The following TARS3 variants were observed in gnomAD, a reference collection of about 807,000 sequenced individuals.
TARS3 encodes the protein threonine--tRNA ligase 2, cytoplasmic.
Under a neutral mutation model 103.5 loss-of-function variants are expected in TARS3, and 94 were observed. That is an observed-to-expected ratio of 0.91 (90% CI 0.77 to 1.08). The LOEUF (loss-of-function observed/expected upper bound fraction) is 1.08. Among genes scored for constraint, TARS3 ranks in the 50% least tolerant of loss-of-function variants. The probability of loss-of-function intolerance (pLI) is 0.00; values close to 1 mark genes in which losing one functional copy is unlikely to be tolerated. For missense variants in TARS3, 952 were observed against 995.2 expected (o/e 0.96, Z 0.58); for synonymous variants, 416 against 355.4 (o/e 1.17, Z -1.92).
At chr15:101,714,723 A>T in intron 4 of TARS3, 117 bp downstream of exon 4, 5 of 867,600 alleles carry the variant, frequency 5.8e-6, no homozygotes, top group Non-Finnish European at 8.1e-6. Context: ...ATCAAATTTT[A>T]AATCTTAGAA....
intron 7 of TARS3, among the ~76,000 whole-genome samples, chr15:101,704,350 A>C (rs1041424933): frequency 1.3e-5 from 2 of 152,264 alleles, no homozygotes; most frequent in East Asian, 1.9e-4. Context: ...TCAATACTCT[A>C]ATCTTTACAT....
intron 10 of TARS3, chr15:101,699,574 C>T (rs988136724): frequency 5.8e-5 from 23 of 399,654 alleles, no homozygotes; most frequent in Non-Finnish European, 1.0e-4. Flanking sequence ...TCCAAATCAG[C>T]AGCTGTGATG....
At chr15:101,722,954 G>C (rs1047579829) in intron 2 of TARS3, 139 bp downstream of exon 2, 5 of 765,480 alleles carry the variant, frequency 6.5e-6, no homozygotes, top group East Asian at 2.7e-5. Context: ...TTTAAGGCTT[G>C]AAAAGTTTTA....
At chr15:101,695,107 A>T (rs1898905908) in intron 10 of TARS3, among the ~76,000 whole-genome samples, 1 of 152,238 alleles carries the variant, frequency 6.6e-6, no homozygotes, top group Non-Finnish European at 1.5e-5. Context: ...TTTACCACAA[A>T]ATGGCTTGAG....
In TARS3 at chr15:101,724,103, C is replaced by G; in HGVS notation, c.285G>C (p.Glu95Asp). ...ACCGCCCGGTTACCTGTGCGCCGGC[C>G]TCCTGCGCCGCCTCTAGCTCCGCGC... ...LESAELEAAQ[E>D]AGAQPPPSQS... The change falls in exon 1 of 19, where the codon GAG becomes GAC. Residue 95 changes from glutamate to aspartate, a missense_variant. Glu to Asp is a conservative substitution (Grantham distance 45, BLOSUM62 2). Around this residue, in one of 2 missense-constraint regions of TARS3, gnomAD observed 412 missense variants for 364.2 expected, o/e 1.13. Transcript: ENST00000335968. 1 of 1,377,278 alleles carries G rather than the reference C, an allele frequency of 7.3e-7. No individual in the cohort carries two copies. Among genetic ancestry groups the G allele is most frequent in the Non-Finnish European group, 9.4e-7 (1 of 1,066,356 alleles). 85.3% of individuals were successfully genotyped at this position (1,377,278 alleles called of 1,614,324 possible).
intron 13 of TARS3, among the ~76,000 whole-genome samples, chr15:101,672,533 C>T (rs1160148142): frequency 1.3e-5 from 2 of 152,046 alleles, no homozygotes; most frequent in African/African-American, 2.4e-5. Flanking sequence ...GGGAGTGACG[C>T]GCCTCATGGG....
At chr15:101,673,991 C>T (rs1260812691) in intron 13 of TARS3, among the ~76,000 whole-genome samples, 1 of 152,130 alleles carries the variant, frequency 6.6e-6, no homozygotes, top group Non-Finnish European at 1.5e-5. Flanking sequence ...TTCAGTTACC[C>T]GCAGTCGACT....
chr15:101,669,445 C>T (rs1055463361), intron 15 of TARS3, among the ~76,000 whole-genome samples: 1 of 152,114 alleles, frequency 6.6e-6, no homozygotes, highest in Non-Finnish European at 1.5e-5. Context: ...TTTAGTGTAG[C>T]CTAAATGTAC....
chr15:101,724,272 G>A lies in TARS3; in HGVS notation c.116C>T (p.Ala39Val), dbSNP rs1221021086. 3 of 1,571,308 alleles carry A rather than the reference G, an allele frequency of 1.9e-6. No homozygotes were observed. Among genetic ancestry groups the A allele is most frequent in the South Asian group, 1.2e-5 (1 of 85,968 alleles). ...CCCCTCCGCCTGGCAGCTGTAGGGCGCGTTCAGCTGCTCGTCCCTCAGGCG... is the reference window on the plus strand; with the variant it reads ...CCCCTCCGCCTGGCAGCTGTAGGGCACGTTCAGCTGCTCGTCCCTCAGGCG... ...VERLRDEQLN[A>V]PYSCQAEGPC... Residue 39 changes from alanine to valine, a missense_variant, in exon 1 of 19, where the codon GCG becomes GTG. Ala to Val is a moderately conservative substitution (Grantham distance 64). Around this residue, in one of 2 missense-constraint regions of TARS3, gnomAD observed 412 missense variants for 364.2 expected, o/e 1.13. Coordinates refer to ENST00000335968, the MANE Select transcript of TARS3 (RefSeq NM_152334.3).
intron 2 of TARS3, among the ~76,000 whole-genome samples, chr15:101,722,412 T>C (rs1900520785): frequency 1.3e-5 from 2 of 151,752 alleles, no homozygotes; most frequent in African/African-American, 4.8e-5. Flanking sequence ...GGCCTAGGTA[T>C]TCCTTCTTCA....
At position 101,657,001 on chromosome 15, in the gene TARS3, A is replaced by C. The variant is rs1467281122; in HGVS notation, c.2181T>G (p.Ala727=). 6.2e-7 allele frequency: 1 copy of C among 1,613,954 alleles called. No homozygotes were observed. Among genetic ancestry groups the C allele is most frequent in the South Asian group, 1.1e-5 (1 of 91,066 alleles). ...SSEFFEEGFM[A]DVDLDHSCTL... is the part of the protein sequence containing the mutation. ...TACAACTGTGATCCAAGTCAACGTC[A>C]GCCATAAATCCTTCTTCAAAAAATT... The change falls in exon 18 of 19, where the codon GCT becomes GCG. Residue 727 remains alanine (A), a synonymous_variant. Coordinates refer to ENST00000335968, the MANE Select transcript of TARS3 (RefSeq NM_152334.3).
chr15:101,700,179 G>A (rs544475715), intron 10 of TARS3, among the ~76,000 whole-genome samples: 2 of 152,290 alleles, frequency 1.3e-5, no homozygotes, highest in South Asian at 2.1e-4. Flanking sequence ...ATGATTATAG[G>A]AAAGACAAAA....
In TARS3 at chr15:101,688,484, T is replaced by C. The variant is rs569529690; in HGVS notation, c.1321-2422A>G. On this transcript the variant is annotated intron_variant, in intron 10 of 18. Transcript: ENST00000335968. Reference sequence around the variant, plus strand: ...ATCCTGGAAATACCAGTTTAGGTTATTGAAGGAGCTGAGTCTCTACCCATA... The same window carrying C: ...ATCCTGGAAATACCAGTTTAGGTTACTGAAGGAGCTGAGTCTCTACCCATA... Among the ~76,000 whole-genome samples, 12 of 152,268 alleles carry C rather than the reference T, an allele frequency of 7.9e-5. No homozygotes were observed. The South Asian group carries it at 8.3e-4, about 11-fold the overall frequency.
intron 10 of TARS3, among the ~76,000 whole-genome samples, chr15:101,690,743 A>G (rs2141414057): frequency 6.6e-6 from 1 of 152,298 alleles, no homozygotes; most frequent in Non-Finnish European, 1.5e-5. Context: ...GAATACTACA[A>G]ACTATTCTGC....
At position 101,654,736 on chromosome 15, in the gene TARS3, GA is replaced by G. The variant is rs1396828177; in HGVS notation, c.2261-7del. Reference sequence around the variant, plus strand: ...CTTTTCCTTTTCTCCAACCACTGCAGAAAAGAAAGGTAAAGAAATGTATTTT... The same window carrying G: ...CTTTTCCTTTTCTCCAACCACTGCAGAAAGAAAGGTAAAGAAATGTATTTT... On this transcript the variant is annotated splice_polypyrimidine_tract_variant and splice_region_variant and intron_variant, in intron 18 of 18. Coordinates refer to ENST00000335968, the MANE Select transcript of TARS3 (RefSeq NM_152334.3). 1.2e-6 allele frequency: 2 copies of G among 1,612,232 alleles called. No homozygotes were observed. The highest frequency in any genetic ancestry group is 2.2e-5 in the South Asian group (2 of 90,718).
intron 18 of TARS3, chr15:101,656,162 C>T: frequency 4.9e-6 from 4 of 821,944 alleles, no homozygotes; most frequent in Non-Finnish European, 7.0e-6. Flanking sequence ...TTTAATTCTA[C>T]CTTTCATGTC....
At chr15:101,687,807 G>C (rs1898539167) in intron 10 of TARS3, among the ~76,000 whole-genome samples, 1 of 152,146 alleles carries the variant, frequency 6.6e-6, no homozygotes, top group Non-Finnish European at 1.5e-5. Flanking sequence ...GAGCCCTCAT[G>C]AATGAGATTA....
At chr15:101,701,417 T>C (rs1899270119) in intron 9 of TARS3, among the ~76,000 whole-genome samples, 1 of 152,228 alleles carries the variant, frequency 6.6e-6, no homozygotes, top group Non-Finnish European at 1.5e-5. Context: ...TCTGCGAATT[T>C]TCTTACTTGG....
At chr15:101,684,379 T>A (rs1898379788) in intron 11 of TARS3, 142 bp from the exon 12 acceptor site, 3 of 770,024 alleles carry the variant, frequency 3.9e-6, no homozygotes, top group Non-Finnish European at 5.7e-6. Context: ...AAAAAAAAAA[T>A]TCTTCCACAA....
Sources: gnomAD v4.1 joint callset for allele counts (sites outside exome capture counted in the v4.1 genomes callset) on GRCh38, gnomAD v4.1.1 for gene constraint, gnomAD v4.1.1 regional missense constraint, MANE v1.5 for transcripts, NCBI Gene and HGNC (gene_info 2026-07-23, HGNC 2026-07-21) for gene names.